The following PPP1R9A variants were observed in gnomAD, a reference collection of about 807,000 sequenced individuals.
PPP1R9A encodes the protein neurabin-1.
A neutral mutation model predicts 141.9 loss-of-function variants in PPP1R9A; 59 were observed. That is an observed-to-expected ratio of 0.42 (90% confidence interval 0.34 to 0.52). PPP1R9A has a LOEUF of 0.52. PPP1R9A is among the 20% of genes least tolerant of loss of function. The pLI, the probability that PPP1R9A is intolerant of heterozygous loss-of-function variation, is 0.10. For missense variants in PPP1R9A, 1,444 were observed against 1,611.9 expected, an observed-to-expected ratio of 0.90 and a Z score of 1.78; for synonymous variants, 500 against 569.7, an observed-to-expected ratio of 0.88 and a Z score of 1.74.
chr7:94,927,967 C>G (rs1312973836), intron 2 of PPP1R9A, among the ~76,000 whole-genome samples: 1 of 152,138 alleles, frequency 6.6e-6, no homozygotes, highest in Non-Finnish European at 1.5e-5. Flanking sequence ...AATACTTACA[C>G]TGGGGCAGCA....
chr7:95,041,732 A>G (rs915567914), intron 2 of PPP1R9A, among the ~76,000 whole-genome samples: 44 of 152,118 alleles, frequency 2.9e-4, no homozygotes, highest in Non-Finnish European at 4.1e-4. Flanking sequence ...GGAGTACTAT[A>G]TCACTCTGAA....
At chr7:95,186,953 A>G (rs1394906413) in intron 5 of PPP1R9A, among the ~76,000 whole-genome samples, 1 of 152,048 alleles carries the variant, frequency 6.6e-6, no homozygotes, top group Non-Finnish European at 1.5e-5. Context: ...TTCATCAGGA[A>G]TGTTGGTCTG....
At chr7:94,924,300 T>A (rs1238778417) in intron 2 of PPP1R9A, among the ~76,000 whole-genome samples, 1 of 152,222 alleles carries the variant, frequency 6.6e-6, no homozygotes, top group Non-Finnish European at 1.5e-5. Flanking sequence ...GGCTTATGTT[T>A]TTCCATAGAG....
chr7:95,077,170 G>T (rs1398042359), intron 2 of PPP1R9A, among the ~76,000 whole-genome samples: 1 of 152,046 alleles, frequency 6.6e-6, no homozygotes, highest in Admixed American at 6.6e-5. Flanking sequence ...TGATTGTTAT[G>T]AGATAAATGT....
chr7:95,245,187 T>TGTGTCTA (rs1010207779), intron 8 of PPP1R9A, among the ~76,000 whole-genome samples: 1 of 152,210 alleles, frequency 6.6e-6, no homozygotes, highest in African/African-American at 2.4e-5. Flanking sequence ...ATATAAATAA[T>TGTGTCTA]GTGTCTAATG....
At chr7:95,183,773 G>A (rs1834230540) in intron 5 of PPP1R9A, among the ~76,000 whole-genome samples, 2 of 151,818 alleles carry the variant, frequency 1.3e-5, no homozygotes, top group Non-Finnish European at 2.9e-5. Flanking sequence ...TTAGTATTGG[G>A]TTAGATAGGA....
chr7:94,914,805 A>G (rs1362650667), intron 2 of PPP1R9A, among the ~76,000 whole-genome samples: 1 of 152,196 alleles, frequency 6.6e-6, no homozygotes, highest in Non-Finnish European at 1.5e-5. Context: ...ATGCAAATAT[A>G]ACAAATACAA....
intron 2 of PPP1R9A, among the ~76,000 whole-genome samples, chr7:95,076,297 C>G (rs1814848465): frequency 6.6e-6 from 1 of 152,142 alleles, no homozygotes; most frequent in South Asian, 2.1e-4. Flanking sequence ...TTTGCAATGG[C>G]CTACTCTGAT....
chr7:95,062,534 T>C (rs1447713645), intron 2 of PPP1R9A, among the ~76,000 whole-genome samples: 1 of 151,614 alleles, frequency 6.6e-6, no homozygotes, highest in Admixed American at 6.6e-5. Context: ...ACTACAGGTG[T>C]GTGCCACCAC....
chr7:94,958,649 T>C (rs1322035439), intron 2 of PPP1R9A, among the ~76,000 whole-genome samples: 1 of 152,072 alleles, frequency 6.6e-6, no homozygotes, highest in Non-Finnish European at 1.5e-5. Flanking sequence ...CTGAGGTAAA[T>C]ACAGTTTCAT....
At chr7:95,226,157 A>G in intron 8 of PPP1R9A, 41 bp downstream of exon 8, 2 of 1,564,478 alleles carry the variant, frequency 1.3e-6, no homozygotes, top group Non-Finnish European at 1.7e-6. Context: ...ATGCCTGTCC[A>G]TTTCATTAAG....
chr7:95,226,047 G>A lies in PPP1R9A; in HGVS notation c.2043G>A (p.Leu681=). 1.2e-6 allele frequency: 2 copies of A among 1,613,664 alleles called. No homozygotes were observed. The highest frequency in any genetic ancestry group is 1.7e-6 in the Non-Finnish European group (2 of 1,179,692). ...ACATGGCCATTGAAGTCTTTGAGCT[G>A]CCTGAGAATGAGGACATGTTTTCCC... is the stretch of plus-strand genomic sequence containing the variant. The part of the protein sequence containing the change: ...GSDMAIEVFE[L]PENEDMFSPS... The change falls in exon 8 of 20, where the codon CTG becomes CTA. Residue 681 remains leucine (L), a synonymous_variant. Transcript: ENST00000433360.
rs1029496122 is a variant in PPP1R9A at position 95,220,504 on chromosome 7, C to G, written c.1957-5457C>G. On this transcript the variant is annotated intron_variant, in intron 7 of 19. Coordinates refer to ENST00000433360, the MANE Select transcript of PPP1R9A (RefSeq NM_001166160.2). ...AATCCCCAGAAGGGTCATTTAGGCC[C>G]CAGCTGCAGCTGTGTTTCACTATAT... Among the ~76,000 whole-genome samples, 32 of 152,140 alleles carry G rather than the reference C, an allele frequency of 2.1e-4. 1 individual carries two copies. Among genetic ancestry groups the G allele is most frequent in the African/African-American group, 7.7e-4 (32 of 41,538 alleles).
intron 4 of PPP1R9A, among the ~76,000 whole-genome samples, chr7:95,145,410 A>C (rs535574010): frequency 6.6e-6 from 1 of 152,380 alleles, no homozygotes; most frequent in African/African-American, 2.4e-5. Flanking sequence ...CCCAAAATTC[A>C]GTCTTCAAGA....
At chr7:95,147,709 G>T (rs6465457) in intron 4 of PPP1R9A, among the ~76,000 whole-genome samples, 89,257 of 152,062 alleles carry the variant, frequency 0.59, 26,607 homozygotes, top group African/African-American at 0.69. Context: ...TCATGAAGAG[G>T]TGTTGAATTT....
chr7:95,043,968 A>G (rs1156387987), intron 2 of PPP1R9A, among the ~76,000 whole-genome samples: 1 of 152,222 alleles, frequency 6.6e-6, no homozygotes, highest in Non-Finnish European at 1.5e-5. Context: ...CATTAATATC[A>G]GAAATAAGAT....
intron 4 of PPP1R9A, among the ~76,000 whole-genome samples, chr7:95,142,863 G>A (rs1826951107): frequency 6.6e-6 from 1 of 151,898 alleles, no homozygotes; most frequent in South Asian, 2.1e-4. Flanking sequence ...TATGTCTTCA[G>A]TATGCATTTT....
chr7:95,046,963 CG>C (rs1563163585), intron 2 of PPP1R9A, among the ~76,000 whole-genome samples: 1 of 152,124 alleles, frequency 6.6e-6, no homozygotes, highest in Non-Finnish European at 1.5e-5. Context: ...AAATCTATTG[CG>C]GTGTTTGTAA....
Position 95,009,736 on chromosome 7 carries a change from A to G in PPP1R9A, c.1395+98228A>G, listed in dbSNP as rs1380771325. Among the ~76,000 whole-genome samples, 4 of 152,272 alleles carry G rather than the reference A, an allele frequency of 2.6e-5. No individual in the cohort carries two copies. The East Asian group carries it at 5.8e-4, about 22-fold the overall frequency. On this transcript the variant is annotated intron_variant, in intron 2 of 19. Transcript: ENST00000433360. ...CAGTTGAAATGAAAGGAATAAATAT[A>G]TATTCATAGAGTGATGAAGTGAATT...
Sources: allele counts gnomAD v4.1 joint callset (sites outside exome capture counted in the v4.1 genomes callset), GRCh38; gene constraint gnomAD v4.1.1; transcripts MANE v1.5; gene names NCBI Gene and HGNC (gene_info 2026-07-23, HGNC 2026-07-21).